Variants in MTAP observed in about 807,000 individuals in gnomAD.
MTAP encodes methylthioadenosine phosphorylase, also known as S-methyl-5'-thioadenosine phosphorylase.
Under a neutral mutation model 33.6 loss-of-function variants are expected in MTAP, and 33 were observed. The ratio of observed to expected loss-of-function variants is 0.98; its 90% CI spans 0.74 to 1.31. The LOEUF is 1.31. MTAP is among the 40% of genes most tolerant of loss of function. MTAP has a pLI of 0.00. For missense variants in MTAP, 367 were observed against 360.0 expected, an observed-to-expected ratio of 1.02 and a Z score of -0.16; for synonymous variants, 148 against 125.7, an observed-to-expected ratio of 1.18 and a Z score of -1.19.
At chr9:21,919,814 A>C (rs1362512735) in intron 1 of MTAP, among the ~76,000 whole-genome samples, 1 of 152,144 alleles carries the variant, frequency 6.6e-6, no homozygotes, top group African/African-American at 2.4e-5. Context: ...AAGCCAGAGA[A>C]TGTTCATCAA....
In MTAP at chr9:21,803,200, TGCAGCTTCTG is replaced by T. The variant is rs539123418; in HGVS notation, c.33+420_33+429del. The T allele has an allele frequency of 6.4e-5, 23 of 358,540 alleles. No individual in the cohort carries two copies. The South Asian group carries it at 2.9e-3, about 45-fold the overall frequency. The allele number at this position is 358,540 out of a possible 1,614,324, so 22.2% of individuals were successfully genotyped here. A position where few individuals can be genotyped will look rare whatever the true frequency, so the allele number is the denominator to read the frequency against. On this transcript the variant is annotated intron_variant, in intron 1 of 7. Transcript: ENST00000644715. ...TGGAGTCAGGAGGTGTCCGGGCGCCTGCAGCTTCTGTGACCGTCTCCTGGTGCCTTGCGGG... is the reference window on the plus strand; with the variant it reads ...TGGAGTCAGGAGGTGTCCGGGCGCCTTGACCGTCTCCTGGTGCCTTGCGGG...
chr9:21,891,829 T>C (rs1456390327), intron 1 of MTAP, among the ~76,000 whole-genome samples: 1 of 152,110 alleles, frequency 6.6e-6, no homozygotes, highest in Non-Finnish European at 1.5e-5. Flanking sequence ...AGTTATCAGA[T>C]TCTCCAGCGT....
chr9:21,848,315 A>C lies in MTAP; in HGVS notation c.451-6316A>C, dbSNP rs963244478. ...TGCTACACTCAAAAAGAACCGCTTG[A>C]GTTTTCTGATTTATATAAACAGAAA... On this transcript the variant is annotated intron_variant, in intron 5 of 7. Transcript: ENST00000644715. Among the ~76,000 whole-genome samples, 4 of 152,290 alleles carry C rather than the reference A, an allele frequency of 2.6e-5. No individual in the cohort carries two copies. In the Middle Eastern group the frequency reaches 0.01, roughly 388 times the overall value.
At chr9:21,825,723 C>G (rs1004745369) in intron 4 of MTAP, among the ~76,000 whole-genome samples, 1 of 152,136 alleles carries the variant, frequency 6.6e-6, no homozygotes, top group African/African-American at 2.4e-5. Flanking sequence ...CAGCCATTGT[C>G]CCAGATACTT....
At chr9:21,839,679 G>A (rs1321323558) in intron 5 of MTAP, among the ~76,000 whole-genome samples, 1 of 152,106 alleles carries the variant, frequency 6.6e-6, no homozygotes, top group Non-Finnish European at 1.5e-5. Flanking sequence ...AACATGAAGA[G>A]TAAATAGTGC....
chr9:21,879,913 G>A lies in MTAP; in HGVS notation c.147+25043G>A, dbSNP rs1817978754. On this transcript the variant is annotated intron_variant, in intron 1 of 1. Transcript: ENST00000577563. ...CATCTGAGAGGTCCACTGTTAACCT[G>A]ATGGGGCTCCTTTTGTAGGCGGCCT... 1.3e-5 allele frequency among the ~76,000 whole-genome samples: 2 copies of A among 152,080 alleles called. 1 individual carries two copies. The highest frequency in any genetic ancestry group is 3.9e-4 in the East Asian group (2 of 5,186).
rs1317202875 is a variant in MTAP at position 21,866,978 on chromosome 9, C to A, written c.*4964C>A. On this transcript the variant is annotated 3_prime_UTR_variant, in exon 8 of 8. Coordinates refer to ENST00000644715, the MANE Select transcript of MTAP (RefSeq NM_002451.4). ...TGTGGAAATGTTACTGTAAATAGTACTTTAATTTCATTTTTAAGTTTATTG... is the reference window on the plus strand; with the variant it reads ...TGTGGAAATGTTACTGTAAATAGTAATTTAATTTCATTTTTAAGTTTATTG... 6.6e-6 allele frequency: 1 copy of A among 152,010 alleles called. No individual in the cohort carries two copies. The highest frequency in any genetic ancestry group is 1.5e-5 in the Non-Finnish European group (1 of 67,974). The allele number at this position is 152,010 out of a possible 1,614,324, so 9.4% of individuals were successfully genotyped here.
intron 6 of MTAP, among the ~76,000 whole-genome samples, chr9:21,856,436 C>T (rs1316129763): frequency 6.6e-6 from 1 of 152,154 alleles, no homozygotes; most frequent in Non-Finnish European, 1.5e-5. Context: ...CATTAAGTCA[C>T]AACATAATAT....
At chr9:21,830,595 C>T (rs1349998403) in intron 4 of MTAP, among the ~76,000 whole-genome samples, 1 of 152,188 alleles carries the variant, frequency 6.6e-6, no homozygotes, top group Non-Finnish European at 1.5e-5. Context: ...TGTCATCAGG[C>T]TGTTTATACA....
chr9:21,848,230 G>A (rs1452830666), intron 5 of MTAP, among the ~76,000 whole-genome samples: 1 of 152,078 alleles, frequency 6.6e-6, no homozygotes, highest in Non-Finnish European at 1.5e-5. Context: ...ACCTATAACT[G>A]GACTGAAGTT....
At chr9:21,874,622 C>G (rs1587267612) in intron 1 of MTAP, among the ~76,000 whole-genome samples, 2 of 151,796 alleles carry the variant, frequency 1.3e-5, no homozygotes. Flanking sequence ...GTAGTTTCTT[C>G]CGCTGTGCAG....
At chr9:21,854,361 G>A (rs768011808) in intron 5 of MTAP, among the ~76,000 whole-genome samples, 1 of 152,148 alleles carries the variant, frequency 6.6e-6, no homozygotes, top group East Asian at 1.9e-4. Context: ...CAAATGCCTG[G>A]CGAGTAGAAA....
At position 21,854,728 on chromosome 9, in the gene MTAP, G is replaced by T. The variant is rs1825595708; in HGVS notation, c.548G>T (p.Ser183Ile). 1.9e-6 allele frequency: 3 copies of T among 1,614,046 alleles called. No individual in the cohort carries two copies. Among genetic ancestry groups the T allele is most frequent in the South Asian group, 1.1e-5 (1 of 91,092 alleles). Residue 183 changes from serine (S) to isoleucine (I), a missense_variant, in exon 6 of 8, where the codon AGC (serine) becomes ATC (isoleucine). By Grantham distance (142) the Ser-to-Ile change is moderately radical. Coordinates refer to ENST00000644715, the MANE Select transcript of MTAP (RefSeq NM_002451.4). ...CCTCGTTTTAGCTCCCGGGCAGAAA[G>T]CTTCATGTTCCGCACCTGGGGGGCG... ...EGPRFSSRAESFMFRTWGADV... is the reference protein window; with the variant it reads ...EGPRFSSRAEIFMFRTWGADV...
Position 21,815,507 on chromosome 9 carries a change from T to A in MTAP, c.108T>A (p.Thr36=). The change falls in exon 2 of 8, where the codon ACT becomes ACA. Residue 36 remains threonine, a synonymous_variant. Transcript: ENST00000644715. ...LEGRTEKYVD[T]PFGKPSDALI... ...GAAGAACTGAAAAATATGTGGATAC[T>A]CCATTTGGCAAGGTTAATATCCAAC... The A allele has an allele frequency of 1.2e-6, 2 of 1,609,082 alleles. No individual in the cohort carries two copies. Among genetic ancestry groups the A allele is most frequent in the Non-Finnish European group, 8.5e-7 (1 of 1,176,398 alleles).
At chr9:21,838,144 T>A (rs1284018549) in intron 5 of MTAP, 134 bp downstream of exon 5, 1 of 664,074 alleles carries the variant, frequency 1.5e-6, no homozygotes, top group East Asian at 2.7e-5. Flanking sequence ...CAAAGTTTTA[T>A]GAAGAGTTAT....
At chr9:21,932,420 A>G (rs1478593960), downstream of MTAP, 1 of 152,262 alleles carries the variant, frequency 6.6e-6, no homozygotes, top group Non-Finnish European at 1.5e-5. Flanking sequence ...TCTGGAGGTC[A>G]CAAAATGTGC....
intron 1 of MTAP, among the ~76,000 whole-genome samples, chr9:21,898,627 A>T (rs1587283456): frequency 6.6e-6 from 1 of 152,352 alleles, no homozygotes; most frequent in African/African-American, 2.4e-5. Context: ...CAGACACATG[A>T]AAAAATGTTC....
intron 7 of MTAP, 86 bp downstream of exon 7, chr9:21,859,511 T>C (rs1033511970): frequency 3.5e-6 from 5 of 1,438,966 alleles, no homozygotes; most frequent in East Asian, 2.4e-5. Context: ...TTGGTCCTCA[T>C]GTATTTTATG....
At chr9:21,917,525 A>C (rs1405572428) in intron 1 of MTAP, among the ~76,000 whole-genome samples, 3 of 152,246 alleles carry the variant, frequency 2.0e-5, no homozygotes. Context: ...GGAAATGCAA[A>C]TTAAACCACA....
Sources: allele counts gnomAD v4.1 joint callset (sites outside exome capture counted in the v4.1 genomes callset), GRCh38; gene constraint gnomAD v4.1.1; transcripts MANE v1.5; gene names NCBI Gene and HGNC (gene_info 2026-07-23, HGNC 2026-07-21).